The following EML2 variants were observed in gnomAD, a reference collection of about 807,000 sequenced individuals.
EML2 encodes EMAP like 2, also known as echinoderm microtubule-associated protein-like 2.
Under a neutral mutation model 84.7 loss-of-function variants are expected in EML2, and 59 were observed. That is an observed-to-expected ratio of 0.70 (90% confidence interval 0.56 to 0.86). The LOEUF (loss-of-function observed/expected upper bound fraction) is 0.86. Among genes scored for constraint, EML2 ranks in the 40% least tolerant of loss-of-function variants. The pLI is 0.00. For missense variants in EML2, 818 were observed against 855.6 expected, an observed-to-expected ratio of 0.96 and a Z score of 0.55; for synonymous variants, 352 against 348.9, an observed-to-expected ratio of 1.01 and a Z score of -0.10.
At chr19:45,645,165 A>G, upstream of EML2, 1 of 1,243,338 alleles carries the variant, frequency 8.0e-7, no homozygotes, top group Non-Finnish European at 1.1e-6. Context: ...GAAAAGGGGG[A>G]TCTTCAGCAA....
intron 3 of EML2, among the ~76,000 whole-genome samples, chr19:45,635,572 A>G (rs1973627966): frequency 1.4e-5 from 2 of 140,310 alleles, no homozygotes; most frequent in Non-Finnish European, 3.1e-5. Flanking sequence ...AAAAAAATGA[A>G]TGTCTGTTTC....
chr19:45,617,513 A>C, intron 13 of EML2, 117 bp downstream of exon 13: 2 of 866,762 alleles, frequency 2.3e-6, no homozygotes, highest in Non-Finnish European at 3.5e-6. Context: ...AGCCAGAGGA[A>C]TATTGAGGGA....
upstream of EML2, chr19:45,643,817 C>T (rs1330364836): frequency 3.5e-6 from 5 of 1,428,868 alleles, no homozygotes; most frequent in African/African-American, 1.4e-5. Context: ...CTCCCAGGTC[C>T]GGTGCCTGGA....
rs368360215 is a variant in EML2, at chr19:45,619,079, A to G, written c.1235T>C (p.Leu412Pro). The G allele has an allele frequency of 6.2e-6, 10 of 1,612,508 alleles. No individual in the cohort carries two copies. The highest frequency in any genetic ancestry group is 8.5e-6 in the Non-Finnish European group (10 of 1,179,154). Reference protein sequence around the residue: ...HLWSSDSHQPLWSRIIEDPAR... With the variant: ...HLWSSDSHQPPWSRIIEDPAR... ...CCTTACCTCGATGATCCTGCTCCAC[A>G]GGGGCTGGTGGGAATCTGAGCTCCA... The change falls in exon 12 of 19, where the codon CTG (leucine) becomes CCG (proline). Residue 412 changes from leucine to proline, a missense_variant. Coordinates refer to ENST00000245925, the MANE Select transcript of EML2 (RefSeq NM_012155.4).
intron 7 of EML2, chr19:45,628,868 T>C (rs777797935): frequency 7.9e-5 from 12 of 151,288 alleles, no homozygotes; most frequent in Non-Finnish European, 1.6e-4. Flanking sequence ...AATAAATAAA[T>C]AAATAGAACA....
At chr19:45,633,219 A>G in intron 4 of EML2, 80 bp from the exon 5 acceptor site, 5 of 1,429,308 alleles carry the variant, frequency 3.5e-6, no homozygotes, top group Non-Finnish European at 4.9e-6. Context: ...TCATTCCACA[A>G]ATTGGCTGGT....
Position 45,638,830 on chromosome 19 carries a change from C to T in EML2, c.49+15G>A, listed in dbSNP as rs1252583797. 1.2e-6 allele frequency: 2 copies of T among 1,613,744 alleles called. No individual in the cohort carries two copies. The highest frequency in any genetic ancestry group is 1.1e-5 in the South Asian group (1 of 91,070). ...AGCAAGCTTCCACCGAGCCCTTCCC[C>T]ATCTCCCCACTCACCCACACTGAAG... On this transcript the variant is annotated intron_variant, in intron 2 of 18. Transcript: ENST00000245925.
At position 45,619,650 on chromosome 19, in the gene EML2, G is replaced by A. The variant is rs78954419; in HGVS notation, c.1123-459C>T. On this transcript the variant is annotated intron_variant, in intron 11 of 18. Transcript: ENST00000245925. ...TTCGGCTTTCTATTACTGACCGAGC[G>A]CAGTCATCTAGGCAGGTGACATCTC... Among the ~76,000 whole-genome samples the A allele has an allele frequency of 3.2e-3, 486 of 152,336 alleles. 1 individual carries two copies. Among genetic ancestry groups the A allele is most frequent in the African/African-American group, 0.011 (458 of 41,568 alleles).
chr19:45,631,714 T>C lies in EML2; in HGVS notation c.510+1147A>G, dbSNP rs1451573827. Among the ~76,000 whole-genome samples the C allele has an allele frequency of 2.0e-5, 3 of 152,008 alleles. No individual in the cohort carries two copies. The East Asian group carries it at 5.8e-4, about 29-fold the overall frequency. ...TGAACCGCATCTGACCAATTTTTAT[T>C]TATTTTTTAAAGTCAGCGTCCTGCC... On this transcript the variant is annotated intron_variant, in intron 6 of 18. Coordinates refer to ENST00000245925, the MANE Select transcript of EML2 (RefSeq NM_012155.4).
chr19:45,639,306 GC>G (rs1477276889), intron 1 of EML2, 50 bp downstream of exon 1: 1 of 1,345,480 alleles, frequency 7.4e-7, no homozygotes. Context: ...TGAGATCTAA[GC>G]CCCGGGAGCG....
chr19:45,615,214 C>A (rs891046520), intron 16 of EML2, among the ~76,000 whole-genome samples: 1 of 152,064 alleles, frequency 6.6e-6, no homozygotes, highest in Non-Finnish European at 1.5e-5. Flanking sequence ...GTGGTGGACA[C>A]CTGGAATCCC....
Position 45,638,564 on chromosome 19 carries a change from G to A in EML2, c.120C>T (p.Pro40=). 2 of 1,614,094 alleles carry A rather than the reference G, an allele frequency of 1.2e-6. No homozygotes were observed. Among genetic ancestry groups the A allele is most frequent in the Non-Finnish European group, 1.7e-6 (2 of 1,180,026 alleles). The change falls in exon 3 of 19, where the codon CCC becomes CCT. Residue 40 remains proline, a synonymous_variant. Coordinates refer to ENST00000245925, the MANE Select transcript of EML2 (RefSeq NM_012155.4). The part of the protein sequence containing the change: ...VPMMIPDELA[P]TYSLDTRSEL... ...CCGAGCGTGTGTCCAGGCTGTAGGT[G>A]GGTGCCAGCTCGTCTGGGATCATCA...
In EML2 at chr19:45,609,867, G is replaced by A. The variant is rs533474367; in HGVS notation, c.1825-79C>T. The A allele has an allele frequency of 5.4e-5, 82 of 1,515,084 alleles. No individual in the cohort carries two copies. The African/African-American group carries it at 9.2e-4, about 17-fold the overall frequency. The allele number at this position is 1,515,084 out of a possible 1,614,324, so 93.9% of individuals were successfully genotyped here. ...CATCATGGTCCTCTTGTCTTGACCCGGTTCTTTTCTGCTCTTCCTCTTTTT... is the reference window on the plus strand; with the variant it reads ...CATCATGGTCCTCTTGTCTTGACCCAGTTCTTTTCTGCTCTTCCTCTTTTT... On this transcript the variant is annotated intron_variant, in intron 18 of 18. Coordinates refer to ENST00000245925, the MANE Select transcript of EML2 (RefSeq NM_012155.4).
chr19:45,636,675 G>A (rs933425730), intron 3 of EML2, among the ~76,000 whole-genome samples: 2 of 152,344 alleles, frequency 1.3e-5, no homozygotes, highest in Middle Eastern at 3.4e-3. Flanking sequence ...GGCCAAGCAC[G>A]GTGGCTCACG....
chr19:45,628,385 G>T (rs976403524), intron 7 of EML2, among the ~76,000 whole-genome samples: 1 of 150,648 alleles, frequency 6.6e-6, no homozygotes, highest in African/African-American at 2.4e-5. Flanking sequence ...AAAAAAAAAA[G>T]TGAGGCTCAG....
Position 45,627,550 on chromosome 19 carries a change from TGGCCA to T in EML2, c.607-716_607-712del, listed in dbSNP as rs1972516037. On this transcript the variant is annotated intron_variant, in intron 7 of 18. Transcript: ENST00000245925. ...GATTACAGGCGTGAGCCACCACGCC[TGGCCA>T]GTACCTTTCCTATACGGTAAATTAA... is the stretch of plus-strand genomic sequence containing the variant. Among the ~76,000 whole-genome samples the T allele has an allele frequency of 2.0e-5, 3 of 151,444 alleles. No individual in the cohort carries two copies. In the South Asian group the frequency reaches 6.4e-4, roughly 32 times the overall value.
intron 18 of EML2, 130 bp downstream of exon 18, chr19:45,613,411 T>A (rs532621280): frequency 2.0e-5 from 22 of 1,127,012 alleles, no homozygotes; most frequent in Admixed American, 9.6e-5. Flanking sequence ...GGATCAAGAC[T>A]ACTGTCCTCC....
chr19:45,639,343 C>T lies in EML2; in HGVS notation c.20+14G>A, dbSNP rs1974167820. 4.5e-6 allele frequency: 6 copies of T among 1,330,898 alleles called. No homozygotes were observed. Among genetic ancestry groups the T allele is most frequent in the Non-Finnish European group, 5.8e-6 (6 of 1,035,348 alleles). The allele number at this position is 1,330,898 out of a possible 1,614,324, so 82.4% of individuals were successfully genotyped here. On this transcript the variant is annotated intron_variant, in intron 1 of 18. Transcript: ENST00000245925. ...CGGAGAGGAGATGGGGGGTGGTCTG[C>T]GAAAGGGTCTCACCCAGCTCCAAAG...
chr19:45,632,735 C>A lies in EML2; in HGVS notation c.510+126G>T, dbSNP rs982133162. ...TGAGGACACGCCCTCATTGTGACGTCACAGAGGCGGGCCACGCCTCCAGCA... is the reference window on the plus strand; with the variant it reads ...TGAGGACACGCCCTCATTGTGACGTAACAGAGGCGGGCCACGCCTCCAGCA... On this transcript the variant is annotated intron_variant, in intron 6 of 18. Transcript: ENST00000245925. The A allele has an allele frequency of 3.8e-6, 3 of 787,476 alleles. No homozygotes were observed. The African/African-American group carries it at 5.1e-5, about 13-fold the overall frequency. 48.8% of individuals were successfully genotyped at this position (787,476 alleles called of 1,614,324 possible). A position where few individuals can be genotyped will look rare whatever the true frequency, so the allele number is the denominator to read the frequency against.
Sources: gnomAD v4.1 joint callset for allele counts (sites outside exome capture counted in the v4.1 genomes callset) on GRCh38, gnomAD v4.1.1 for gene constraint, MANE v1.5 for transcripts, NCBI Gene and HGNC (gene_info 2026-07-23, HGNC 2026-07-21) for gene names.